The following PCDHGB4 variants were observed in gnomAD, a reference collection of about 807,000 sequenced individuals.
PCDHGB4 encodes protocadherin gamma-B4.
Under a neutral mutation model 60.5 loss-of-function variants are expected in PCDHGB4, and 38 were observed. That is an observed-to-expected ratio of 0.63 (90% CI 0.48 to 0.82). PCDHGB4 has a LOEUF of 0.82. Ranked by LOEUF, PCDHGB4 falls within the 40% of genes least tolerant of loss-of-function variation. The probability of loss-of-function intolerance (pLI) is 0.00; values close to 1 mark genes in which losing one functional copy is unlikely to be tolerated. For synonymous variants in PCDHGB4, 456 were observed against 509.7 expected, an observed-to-expected ratio of 0.89 and a Z score of 1.42; for missense variants, 1,109 against 1,209.6, an observed-to-expected ratio of 0.92 and a Z score of 1.23.
intron 1 of PCDHGB4, chr5:141,405,642 T>C (rs2094697537): frequency 1.9e-6 from 1 of 528,606 alleles, no homozygotes; most frequent in Non-Finnish European, 3.3e-6. Flanking sequence ...GCCCGGCTAA[T>C]TTTTTGTGTG....
chr5:141,418,998 G>A (rs757681244), intron 1 of PCDHGB4: 4 of 1,613,940 alleles, frequency 2.5e-6, no homozygotes, highest in South Asian at 2.2e-5. Context: ...GGGGAAAATG[G>A]GGAAGTCAGG....
intron 1 of PCDHGB4, among the ~76,000 whole-genome samples, chr5:141,446,802 G>T (rs2098516342): frequency 6.6e-6 from 1 of 152,130 alleles, no homozygotes; most frequent in South Asian, 2.1e-4. Flanking sequence ...CTTCCATTGT[G>T]ATCATCTAGT....
chr5:141,473,850 G>A (rs1490458424), intron 1 of PCDHGB4, among the ~76,000 whole-genome samples: 1 of 152,184 alleles, frequency 6.6e-6, no homozygotes, highest in African/African-American at 2.4e-5. Flanking sequence ...TTAGGAAGAT[G>A]AACCTCGCTA....
At chr5:141,492,822 C>T (rs1241767956) in intron 1 of PCDHGB4, among the ~76,000 whole-genome samples, 1 of 152,238 alleles carries the variant, frequency 6.6e-6, no homozygotes, top group Non-Finnish European at 1.5e-5. Context: ...GCACCAGCGG[C>T]CCCTTCCTCC....
chr5:141,415,167 C>T (rs769256903), intron 1 of PCDHGB4: 3 of 1,613,894 alleles, frequency 1.9e-6, no homozygotes, highest in Admixed American at 3.3e-5. Flanking sequence ...CTGTCACGCT[C>T]ACCGTGGCCG....
At chr5:141,472,453 T>C (rs2099281194) in intron 1 of PCDHGB4, among the ~76,000 whole-genome samples, 1 of 151,726 alleles carries the variant, frequency 6.6e-6, no homozygotes, top group African/African-American at 2.4e-5. Flanking sequence ...GGCAGGAGAA[T>C]CGCTTGAACC....
At chr5:141,401,255 T>C (rs56773894) in intron 1 of PCDHGB4, among the ~76,000 whole-genome samples, 18,026 of 152,078 alleles carry the variant, frequency 0.12, 1,226 homozygotes, top group African/African-American at 0.18. Flanking sequence ...GACAGGAGAA[T>C]TGCTTGAACC....
intron 1 of PCDHGB4, chr5:141,399,194 C>T (rs770516092): frequency 1.2e-6 from 2 of 1,613,838 alleles, no homozygotes; most frequent in South Asian, 1.1e-5. Context: ...CTGGAAAACG[C>T]GGTGCCTGGA....
At chr5:141,474,756 T>C (rs2099354156) in intron 1 of PCDHGB4, among the ~76,000 whole-genome samples, 1 of 152,244 alleles carries the variant, frequency 6.6e-6, no homozygotes, top group Non-Finnish European at 1.5e-5. Flanking sequence ...AAGACAAATA[T>C]ACAGAAATAG....
At chr5:141,414,316 G>T (rs2095734692) in intron 1 of PCDHGB4, 1 of 1,613,682 alleles carries the variant, frequency 6.2e-7, no homozygotes, top group Admixed American at 1.7e-5. Flanking sequence ...TTTAGACTCT[G>T]AGCAGAATGG....
In PCDHGB4 at chr5:141,486,474, C is replaced by T. The variant is rs1594589698; in HGVS notation, c.2398-8333C>T. On this transcript the variant is annotated intron_variant, in intron 1 of 3. Transcript: ENST00000519479. This position sits in a 1 kb window ranked among gnomAD's most constrained non-coding sequence, Gnocchi z 5.0. ...ACTGCTTCTGATGCTGGGAACCCTCCTCTCAGTACCCACAGAACTATTTTC... is the reference window on the plus strand; with the variant it reads ...ACTGCTTCTGATGCTGGGAACCCTCTTCTCAGTACCCACAGAACTATTTTC... 1 of 1,614,016 alleles carries T rather than the reference C, an allele frequency of 6.2e-7. No homozygotes were observed. Among genetic ancestry groups the T allele is most frequent in the South Asian group, 1.1e-5 (1 of 91,082 alleles).
chr5:141,422,996 C>G lies in PCDHGB4; in HGVS notation c.2397+32715C>G. 1.2e-6 allele frequency: 2 copies of G among 1,614,224 alleles called. No homozygotes were observed. The highest frequency in any genetic ancestry group is 1.7e-6 in the Non-Finnish European group (2 of 1,180,046). On this transcript the variant is annotated intron_variant, in intron 1 of 3. Coordinates refer to ENST00000519479, the MANE Select transcript of PCDHGB4 (RefSeq NM_003736.4). ...TCTGCGGAACCTGGCTACCTGGTGA[C>G]CAAGGTGGTTGCGGTGGACAAAGAT...
At chr5:141,421,144 G>A (rs1241874764) in intron 1 of PCDHGB4, 1 of 999,180 alleles carries the variant, frequency 1.0e-6, no homozygotes, top group African/African-American at 1.6e-5. Flanking sequence ...TTTGGATGTA[G>A]TCGGCCTAGG....
chr5:141,437,648 A>G (rs1291089695), intron 1 of PCDHGB4, among the ~76,000 whole-genome samples: 2 of 152,204 alleles, frequency 1.3e-5, no homozygotes, highest in African/African-American at 4.8e-5. Context: ...AGAAAAGCAA[A>G]CACATAGTTT....
intron 1 of PCDHGB4, chr5:141,478,588 T>G (rs2099465964): frequency 6.3e-7 from 1 of 1,575,000 alleles, no homozygotes; most frequent in African/African-American, 1.4e-5. Flanking sequence ...TAGTGCTTTT[T>G]TATTCCTACA....
intron 1 of PCDHGB4, chr5:141,428,211 C>A: frequency 7.8e-7 from 1 of 1,284,316 alleles, no homozygotes; most frequent in Non-Finnish European, 1.1e-6. Context: ...CTACGCTTCA[C>A]CTAGTCTTCG....
Position 141,477,914 on chromosome 5 carries a change from G to T in PCDHGB4, c.2398-16893G>T. On this transcript the variant is annotated intron_variant, in intron 1 of 3. Coordinates refer to ENST00000519479, the MANE Select transcript of PCDHGB4 (RefSeq NM_003736.4). The surrounding 1 kb of genome is among the most constrained non-coding windows in gnomAD (Gnocchi z 4.9). ...ACGGGTGGTAGGCTGGGACGCGGAT[G>T]CAGGGCACAATGCCTGGCTCTCCTA... 2 of 1,614,204 alleles carry T rather than the reference G, an allele frequency of 1.2e-6. No homozygotes were observed. The highest frequency in any genetic ancestry group is 1.7e-6 in the Non-Finnish European group (2 of 1,180,044).
At chr5:141,390,423 C>A in intron 1 of PCDHGB4, 142 bp downstream of exon 1, 1 of 1,058,544 alleles carries the variant, frequency 9.4e-7, no homozygotes, top group Non-Finnish European at 1.3e-6. Context: ...AGTTAAAAAG[C>A]TGTCATATCA....
Position 141,490,909 on chromosome 5 carries a change from G to T in PCDHGB4, c.2398-3898G>T. 4 of 1,613,744 alleles carry T rather than the reference G, an allele frequency of 2.5e-6. No individual in the cohort carries two copies. Among genetic ancestry groups the T allele is most frequent in the Non-Finnish European group, 3.4e-6 (4 of 1,179,762 alleles). ...ATCTCTGCATGTGTTTGTCCTAGAC[G>T]AGAATGATAATGCCCCAGCTGTGCT... On this transcript the variant is annotated intron_variant, in intron 1 of 3. Transcript: ENST00000519479. The surrounding 1 kb of genome is among the most constrained non-coding windows in gnomAD (Gnocchi z 5.4).
Sources: allele counts gnomAD v4.1 joint callset (sites outside exome capture counted in the v4.1 genomes callset), GRCh38; gene constraint gnomAD v4.1.1; non-coding constraint Gnocchi (gnomAD v3.1); transcripts MANE v1.5; gene names NCBI Gene and HGNC (gene_info 2026-07-23, HGNC 2026-07-21).